NCKAP5: variants seen among roughly 807,000 people sequenced by gnomAD.
NCKAP5 encodes nck-associated protein 5.
A neutral mutation model predicts 167.0 loss-of-function variants in NCKAP5; 92 were observed. The observed-to-expected ratio is 0.55, with a 90% confidence interval of 0.47 to 0.66. The LOEUF is 0.66. NCKAP5 is among the 30% of genes least tolerant of loss of function. The probability of loss-of-function intolerance (pLI) is 0.00; values close to 1 mark genes in which losing one functional copy is unlikely to be tolerated. For synonymous variants in NCKAP5, 891 were observed against 877.4 expected (o/e 1.02, Z -0.27); for missense variants, 2,378 against 2,315.0 (o/e 1.03, Z -0.56).
intron 4 of NCKAP5, among the ~76,000 whole-genome samples, chr2:133,250,733 C>T (rs1353496681): frequency 6.6e-6 from 1 of 152,116 alleles, no homozygotes; most frequent in East Asian, 1.9e-4. Context: ...AGGCCAGGAG[C>T]TTGAGACCAG....
At chr2:133,619,121 C>T in the NCKAP5 span, among the ~76,000 whole-genome samples, 1 of 121,272 alleles carries the variant, frequency 8.2e-6, no homozygotes, top group Non-Finnish European at 1.7e-5. Context: ...CACATGAACA[C>T]AGGAAGGGGA....
chr2:132,857,823 T>C (rs1237113605), intron 11 of NCKAP5, among the ~76,000 whole-genome samples: 1 of 152,212 alleles, frequency 6.6e-6, no homozygotes, highest in African/African-American at 2.4e-5. Flanking sequence ...ATCATGGACC[T>C]GGCTCCCTTT....
chr2:133,508,586 C>T (rs536084482), intron 3 of NCKAP5, among the ~76,000 whole-genome samples: 122 of 152,320 alleles, frequency 8.0e-4, no homozygotes, highest in African/African-American at 2.7e-3. Context: ...AGGCTCTTAT[C>T]AGAGAGAACA....
At chr2:133,118,141 T>A (rs1339509409) in intron 6 of NCKAP5, 1 of 152,192 alleles carries the variant, frequency 6.6e-6, no homozygotes, top group Non-Finnish European at 1.5e-5. Context: ...TCTCCCTGTC[T>A]TATAGCAAAT....
the NCKAP5 span, among the ~76,000 whole-genome samples, chr2:133,656,486 G>C: frequency 1.3e-5 from 2 of 152,276 alleles, no homozygotes; most frequent in Admixed American, 1.3e-4. Context: ...CTAGTTCATG[G>C]GGGCTGGAGA....
intron 4 of NCKAP5, among the ~76,000 whole-genome samples, chr2:133,241,469 T>C (rs1320466526): frequency 6.6e-6 from 1 of 152,234 alleles, no homozygotes; most frequent in African/African-American, 2.4e-5. Flanking sequence ...TTTGTATTTA[T>C]AAACACAGGC....
intron 3 of NCKAP5, among the ~76,000 whole-genome samples, chr2:133,413,280 G>T (rs1418786249): frequency 2.6e-5 from 4 of 152,250 alleles, no homozygotes; most frequent in Non-Finnish European, 5.9e-5. Flanking sequence ...ATTGTAAATG[G>T]CTTCTTTAGC....
chr2:133,420,439 C>A (rs951783216), intron 3 of NCKAP5, among the ~76,000 whole-genome samples: 12 of 152,132 alleles, frequency 7.9e-5, no homozygotes, highest in African/African-American at 2.9e-4. Context: ...GCCAGCTAGG[C>A]TAGGGCTGGG....
intron 19 of NCKAP5, among the ~76,000 whole-genome samples, chr2:132,706,284 C>T (rs1236900733): frequency 6.6e-6 from 1 of 152,114 alleles, no homozygotes; most frequent in Non-Finnish European, 1.5e-5. Flanking sequence ...TAAGAAAGCC[C>T]TTGACTTAGC....
the NCKAP5 span, among the ~76,000 whole-genome samples, chr2:133,608,675 T>C: frequency 1.3e-5 from 2 of 152,184 alleles, no homozygotes; most frequent in African/African-American, 4.8e-5. Context: ...GCCTCAATAA[T>C]CAATAATAGA....
intron 19 of NCKAP5, among the ~76,000 whole-genome samples, chr2:132,706,902 A>G (rs1238541404): frequency 1.3e-5 from 2 of 152,224 alleles, no homozygotes; most frequent in African/African-American, 4.8e-5. Flanking sequence ...GCGCTTAAGC[A>G]TAATACTCTC....
intron 2 of NCKAP5, among the ~76,000 whole-genome samples, chr2:133,546,991 C>G (rs887022875): frequency 2.0e-5 from 3 of 152,284 alleles, no homozygotes; most frequent in African/African-American, 7.2e-5. Context: ...TAGGGAGTGC[C>G]AGACAGTGGG....
At chr2:133,260,975 T>C (rs547628981) in intron 4 of NCKAP5, among the ~76,000 whole-genome samples, 2 of 152,258 alleles carry the variant, frequency 1.3e-5, no homozygotes, top group African/African-American at 4.8e-5. Context: ...ATCTCATTAA[T>C]AGAAAAAATA....
chr2:133,087,429 C>G (rs535172349), intron 6 of NCKAP5, among the ~76,000 whole-genome samples: 1 of 152,116 alleles, frequency 6.6e-6, no homozygotes, highest in Admixed American at 6.5e-5. Context: ...TCTGATGGAG[C>G]GAGATGGTGT....
intron 3 of NCKAP5, among the ~76,000 whole-genome samples, chr2:133,330,505 T>C (rs1454847846): frequency 6.6e-6 from 1 of 151,970 alleles, no homozygotes; most frequent in African/African-American, 2.4e-5. Context: ...ATAATATCTA[T>C]TAACAAAAAG....
intron 4 of NCKAP5, among the ~76,000 whole-genome samples, chr2:133,225,250 T>C (rs1198530711): frequency 1.3e-5 from 2 of 151,486 alleles, no homozygotes; most frequent in African/African-American, 4.9e-5. Flanking sequence ...AAAAAAAACA[T>C]GCTAATCAAG....
At chr2:133,494,532 A>G (rs748146732) in intron 3 of NCKAP5, among the ~76,000 whole-genome samples, 15 of 152,112 alleles carry the variant, frequency 9.9e-5, no homozygotes, top group Non-Finnish European at 1.9e-4. Flanking sequence ...AAGCCTCCTA[A>G]CCAAGTGAAT....
intron 19 of NCKAP5, among the ~76,000 whole-genome samples, chr2:132,679,500 C>T (rs1246624205): frequency 6.6e-6 from 1 of 152,108 alleles, no homozygotes; most frequent in Non-Finnish European, 1.5e-5. Flanking sequence ...TCTCTGATTA[C>T]ATATGATGCA....
intron 16 of NCKAP5, among the ~76,000 whole-genome samples, chr2:132,754,794 T>G (rs1022047371): frequency 1.3e-5 from 2 of 152,254 alleles, no homozygotes; most frequent in Admixed American, 6.5e-5. Flanking sequence ...AAGAATGTTT[T>G]TAAAAAACAG....
Sources: allele counts gnomAD v4.1 joint callset (sites outside exome capture counted in the v4.1 genomes callset), GRCh38; gene constraint gnomAD v4.1.1; transcripts MANE v1.5; gene names NCBI Gene and HGNC (gene_info 2026-07-23, HGNC 2026-07-21).